PRLR: variants seen among roughly 807,000 people sequenced by gnomAD.
PRLR encodes the protein prolactin receptor.
In PRLR, 13 loss-of-function variants were observed where a neutral mutation model predicts 40.2. The observed-to-expected ratio is 0.32, with a 90% CI of 0.21 to 0.51. The LOEUF (loss-of-function observed/expected upper bound fraction) is 0.51, where lower values mean the gene tolerates loss of function less well. Ranked by LOEUF, PRLR falls within the 20% of genes least tolerant of loss-of-function variation. The probability of loss-of-function intolerance (pLI) is 0.97; values close to 1 mark genes in which losing one functional copy is unlikely to be tolerated. For missense variants in PRLR, 656 were observed against 747.3 expected, an observed-to-expected ratio of 0.88 and a Z score of 1.42; for synonymous variants, 269 against 278.7, an observed-to-expected ratio of 0.97 and a Z score of 0.35.
At chr5:35,118,907 C>T (rs1159159859) in intron 1 of PRLR, among the ~76,000 whole-genome samples, 3 of 152,074 alleles carry the variant, frequency 2.0e-5, no homozygotes, top group Admixed American at 1.3e-4. Context: ...CCATTTCACC[C>T]GCCCCCTGCC....
chr5:35,123,972 C>G (rs978459586), intron 1 of PRLR, among the ~76,000 whole-genome samples: 2 of 152,016 alleles, frequency 1.3e-5, no homozygotes, highest in African/African-American at 4.8e-5. Flanking sequence ...TATAACAGAG[C>G]TGGGGGAAGA....
At chr5:35,216,930 A>T (rs1179374150) in intron 1 of PRLR, among the ~76,000 whole-genome samples, 1 of 152,186 alleles carries the variant, frequency 6.6e-6, no homozygotes, top group Non-Finnish European at 1.5e-5. Context: ...CAAGAAGTCT[A>T]TGTTTGACAC....
intron 1 of PRLR, among the ~76,000 whole-genome samples, chr5:35,123,729 G>A (rs552609439): frequency 6.6e-6 from 1 of 152,274 alleles, no homozygotes; most frequent in Admixed American, 6.5e-5. Context: ...GCTGCTTGAG[G>A]TCTTTTAGAA....
chr5:35,083,261 A>G (rs994091112), intron 5 of PRLR, among the ~76,000 whole-genome samples: 4 of 151,976 alleles, frequency 2.6e-5, no homozygotes, highest in Non-Finnish European at 4.4e-5. Flanking sequence ...CACCCTCTTG[A>G]TGTCATCATA....
At chr5:35,053,583 G>A (rs1346495494), downstream of PRLR, among the ~76,000 whole-genome samples, 1 of 152,166 alleles carries the variant, frequency 6.6e-6, no homozygotes, top group Non-Finnish European at 1.5e-5. Context: ...AACACGGGAG[G>A]TGGAGGTTGT....
Position 35,066,066 on chromosome 5 carries a change from A to C in PRLR, c.892T>G (p.Cys298Gly). 6.2e-7 allele frequency: 1 copy of C among 1,614,124 alleles called. No individual in the cohort carries two copies. Among genetic ancestry groups the C allele is most frequent in the Non-Finnish European group, 8.5e-7 (1 of 1,180,002 alleles). Reference sequence around the variant, plus strand: ...TCAGAAGTGGGAGGAAAGTCTTGGCATCCCAAGGCACTCAGTAGTTCTTCA... The same window carrying C: ...TCAGAAGTGGGAGGAAAGTCTTGGCCTCCCAAGGCACTCAGTAGTTCTTCA... ...KSEELLSALG[C>G]QDFPPTSDYE... The change falls in exon 10 of 10, where the codon TGC becomes GGC. Residue 298 changes from cysteine (C) to glycine (G), a missense_variant. By Grantham distance (159) the Cys-to-Gly change is radical. Coordinates refer to ENST00000618457, the MANE Select transcript of PRLR (RefSeq NM_000949.7).
intron 1 of PRLR, among the ~76,000 whole-genome samples, chr5:35,200,876 G>A (rs1161478282): frequency 6.6e-6 from 1 of 152,162 alleles, no homozygotes; most frequent in Non-Finnish European, 1.5e-5. Context: ...AACGGAGGCA[G>A]GGTTAGAATT....
intron 5 of PRLR, among the ~76,000 whole-genome samples, chr5:35,079,934 G>C (rs1770388657): frequency 6.6e-6 from 1 of 152,152 alleles, no homozygotes. Context: ...ACAAGAAATG[G>C]GGAAAGGATT....
At chr5:35,101,909 C>T (rs1771905903) in intron 2 of PRLR, among the ~76,000 whole-genome samples, 1 of 151,302 alleles carries the variant, frequency 6.6e-6, no homozygotes, top group South Asian at 2.1e-4. Context: ...CTTTCTGTAA[C>T]CTTTGCCTCC....
At chr5:35,099,782 C>A (rs929083019) in intron 2 of PRLR, among the ~76,000 whole-genome samples, 1 of 152,090 alleles carries the variant, frequency 6.6e-6, no homozygotes, top group African/African-American at 2.4e-5. Flanking sequence ...AACAAAAAAA[C>A]TTTTAAAAAT....
intron 1 of PRLR, among the ~76,000 whole-genome samples, chr5:35,125,898 A>T (rs957297879): frequency 6.6e-6 from 1 of 152,176 alleles, no homozygotes; most frequent in Non-Finnish European, 1.5e-5. Flanking sequence ...TCTAAATGCC[A>T]TTTGTCCTTG....
chr5:35,204,458 T>G (rs1775962412), intron 1 of PRLR, among the ~76,000 whole-genome samples: 1 of 152,112 alleles, frequency 6.6e-6, no homozygotes, highest in Non-Finnish European at 1.5e-5. Flanking sequence ...ACTTACAGGA[T>G]GCCTTAAGAG....
At chr5:35,177,985 T>C (rs1037577497) in intron 1 of PRLR, among the ~76,000 whole-genome samples, 5 of 147,468 alleles carry the variant, frequency 3.4e-5, no homozygotes, top group African/African-American at 1.2e-4. Flanking sequence ...TTGCCTGTCT[T>C]TTTTTTTTTT....
chr5:35,163,153 G>A (rs1774725701), intron 1 of PRLR, among the ~76,000 whole-genome samples: 1 of 152,182 alleles, frequency 6.6e-6, no homozygotes, highest in African/African-American at 2.4e-5. Context: ...GAGGTGGGAA[G>A]TACTCTAGCA....
chr5:35,113,072 A>G (rs1048868724), intron 2 of PRLR, among the ~76,000 whole-genome samples: 1 of 151,982 alleles, frequency 6.6e-6, no homozygotes, highest in African/African-American at 2.4e-5. Context: ...CCACCCACCC[A>G]TCCATCCATC....
chr5:35,081,429 C>A, intron 5 of PRLR: 1 of 197,362 alleles, frequency 5.1e-6, no homozygotes, highest in Non-Finnish European at 1.1e-5. Context: ...CAGTGGTGAC[C>A]TGACCTGCCA....
In PRLR at chr5:35,060,909, A is replaced by T. The variant is rs1768999517; in HGVS notation, c.*4180T>A. The T allele has an allele frequency of 6.6e-6, 1 of 152,214 alleles. No homozygotes were observed. Among genetic ancestry groups the T allele is most frequent in the African/African-American group, 2.4e-5 (1 of 41,454 alleles). The allele number at this position is 152,214 out of a possible 1,614,324, so 9.4% of individuals were successfully genotyped here. A position where few individuals can be genotyped will look rare whatever the true frequency, so the allele number is the denominator to read the frequency against. On this transcript the variant is annotated 3_prime_UTR_variant, in exon 10 of 10. Transcript: ENST00000618457. ...AATAAGTTTTGGTATGGAGAGTCTC[A>T]AATCACAGGGTGGCAGGTTTATCCC...
chr5:35,108,652 T>C (rs1024566179), intron 2 of PRLR, among the ~76,000 whole-genome samples: 7 of 152,120 alleles, frequency 4.6e-5, no homozygotes, highest in African/African-American at 1.7e-4. Context: ...GGAATCCAAC[T>C]TACAAGGGAT....
intron 6 of PRLR, 71 bp downstream of exon 6, chr5:35,072,504 T>C (rs953161834): frequency 2.0e-6 from 3 of 1,492,916 alleles, no homozygotes; most frequent in African/African-American, 1.4e-5. Flanking sequence ...AGGAATGACC[T>C]GTTTTCAGTT....
Sources: allele counts gnomAD v4.1 joint callset (sites outside exome capture counted in the v4.1 genomes callset), GRCh38; gene constraint gnomAD v4.1.1; transcripts MANE v1.5; gene names NCBI Gene and HGNC (gene_info 2026-07-23, HGNC 2026-07-21).